Variants in MACROD2 observed in about 807,000 individuals in gnomAD.
MACROD2 encodes mono-ADP ribosylhydrolase 2, also known as ADP-ribose glycohydrolase MACROD2.
Under a neutral mutation model 70.4 loss-of-function variants are expected in MACROD2, and 36 were observed. The ratio of observed to expected loss-of-function variants is 0.51; its 90% confidence interval spans 0.39 to 0.68. MACROD2 has a LOEUF of 0.68. MACROD2 is among the 30% of genes least tolerant of loss of function. MACROD2 has a pLI of 0.00. For synonymous variants in MACROD2, 172 were observed against 178.8 expected, an observed-to-expected ratio of 0.96 and a Z score of 0.30; for missense variants, 496 against 538.4, an observed-to-expected ratio of 0.92 and a Z score of 0.78.
At chr20:14,140,478 A>G (rs986235379) in intron 3 of MACROD2, among the ~76,000 whole-genome samples, 2 of 152,328 alleles carry the variant, frequency 1.3e-5, no homozygotes, top group South Asian at 2.1e-4. Context: ...GGCCTGATTC[A>G]TACAACTAGA....
intron 3 of MACROD2, among the ~76,000 whole-genome samples, chr20:14,195,803 G>T (rs995609139): frequency 6.6e-6 from 1 of 152,132 alleles, no homozygotes; most frequent in Admixed American, 6.5e-5. Context: ...CTCCTTTCTG[G>T]CTCCCCCATC....
intron 5 of MACROD2, among the ~76,000 whole-genome samples, chr20:14,930,034 A>T (rs1333513824): frequency 6.6e-6 from 1 of 151,796 alleles, no homozygotes; most frequent in African/African-American, 2.4e-5. Context: ...TGGTGGCGGG[A>T]GCCTGTAGTC....
At chr20:14,203,463 T>C (rs1382794800) in intron 3 of MACROD2, among the ~76,000 whole-genome samples, 1 of 152,190 alleles carries the variant, frequency 6.6e-6, no homozygotes, top group Non-Finnish European at 1.5e-5. Flanking sequence ...CTTTTTTGTG[T>C]TTCTTGTGTC....
At chr20:14,597,626 T>A (rs1380343516) in intron 4 of MACROD2, among the ~76,000 whole-genome samples, 1 of 152,164 alleles carries the variant, frequency 6.6e-6, no homozygotes, top group Non-Finnish European at 1.5e-5. Flanking sequence ...GAAATCTGGT[T>A]CATTATTCAC....
At chr20:14,097,488 T>C (rs113211812) in intron 3 of MACROD2, among the ~76,000 whole-genome samples, 190 of 152,338 alleles carry the variant, frequency 1.2e-3, no homozygotes, top group Non-Finnish European at 2.4e-3. Context: ...TTGATTTATT[T>C]ATTTTAGCTC....
At chr20:15,011,451 C>T (rs1247318268) in intron 5 of MACROD2, among the ~76,000 whole-genome samples, 1 of 152,026 alleles carries the variant, frequency 6.6e-6, no homozygotes, top group African/African-American at 2.4e-5. Context: ...AAACCCTGTC[C>T]TTATTATCCA....
chr20:14,376,301 G>T (rs557016100), intron 3 of MACROD2, among the ~76,000 whole-genome samples: 2 of 151,378 alleles, frequency 1.3e-5, no homozygotes, highest in African/African-American at 2.4e-5. Flanking sequence ...TGCTAGTGTC[G>T]TGACCAGAAT....
intron 5 of MACROD2, among the ~76,000 whole-genome samples, chr20:15,058,146 T>A (rs1318455496): frequency 1.3e-5 from 2 of 152,188 alleles, no homozygotes; most frequent in Non-Finnish European, 2.9e-5. Context: ...TTTCTTTTTA[T>A]ACCAACCATG....
chr20:14,223,979 G>C (rs1376786396), intron 3 of MACROD2, among the ~76,000 whole-genome samples: 1 of 152,154 alleles, frequency 6.6e-6, no homozygotes, highest in African/African-American at 2.4e-5. Context: ...GTTTTAGTCC[G>C]AAGGTGATCC....
At chr20:15,118,196 ATT>A (rs35217480) in intron 5 of MACROD2, among the ~76,000 whole-genome samples, 2 of 146,048 alleles carry the variant, frequency 1.4e-5, no homozygotes, top group Non-Finnish European at 3.0e-5. Flanking sequence ...TTAATTTTAA[ATT>A]TTTTTTTTTT....
chr20:15,089,818 G>A (rs1285136357), intron 5 of MACROD2, among the ~76,000 whole-genome samples: 11 of 152,076 alleles, frequency 7.2e-5, no homozygotes, highest in Non-Finnish European at 1.5e-5. Context: ...CTAGGACCCA[G>A]AGAAGGAAGC....
At chr20:15,353,555 A>G (rs897211494) in intron 6 of MACROD2, among the ~76,000 whole-genome samples, 5 of 152,222 alleles carry the variant, frequency 3.3e-5, no homozygotes, top group African/African-American at 9.6e-5. Flanking sequence ...CTAGCATCAC[A>G]GTGAACAGGC....
At chr20:14,470,275 T>C (rs1432772378) in intron 3 of MACROD2, among the ~76,000 whole-genome samples, 2 of 152,078 alleles carry the variant, frequency 1.3e-5, no homozygotes, top group East Asian at 1.9e-4. Context: ...ACAGCAAAGA[T>C]TGCTGTCTTT....
chr20:16,015,344 A>G (rs2066915513), intron 15 of MACROD2, among the ~76,000 whole-genome samples: 1 of 152,164 alleles, frequency 6.6e-6, no homozygotes, highest in South Asian at 2.1e-4. Flanking sequence ...TCTGTAGAAA[A>G]TAAAACAGCA....
intron 8 of MACROD2, among the ~76,000 whole-genome samples, chr20:15,650,366 T>G (rs1342699355): frequency 6.6e-6 from 1 of 152,200 alleles, no homozygotes; most frequent in Non-Finnish European, 1.5e-5. Flanking sequence ...TGAAAAAAAA[T>G]TATGCTGCTT....
chr20:15,242,087 A>C (rs1438808042), intron 6 of MACROD2, among the ~76,000 whole-genome samples: 3 of 152,222 alleles, frequency 2.0e-5, no homozygotes, highest in Non-Finnish European at 4.4e-5. Flanking sequence ...CAGTAATGAG[A>C]TATGTCAACA....
In MACROD2 at chr20:15,808,610, G is replaced by T. The variant is rs368585309; in HGVS notation, c.646-54135G>T. 6.6e-5 allele frequency among the ~76,000 whole-genome samples: 10 copies of T among 151,892 alleles called. No homozygotes were observed. In the South Asian group the frequency reaches 2.1e-3, roughly 32 times the overall value. ...TGTGTCTGTTTTTTCCACTAAATTT[G>T]TTTCATTAATAAGCTAGGTTTTTAA... is the stretch of plus-strand genomic sequence containing the variant. On this transcript the variant is annotated intron_variant, in intron 8 of 17. Coordinates refer to ENST00000684519, the MANE Select transcript of MACROD2 (RefSeq NM_001351661.2).
At chr20:15,129,159 CAT>C (rs778023938) in intron 5 of MACROD2, among the ~76,000 whole-genome samples, 16 of 151,810 alleles carry the variant, frequency 1.1e-4, no homozygotes, top group Admixed American at 1.3e-4. Context: ...ATTAATGTAA[CAT>C]AATTTATTTT....
chr20:14,841,531 A>AC (rs2073087070), intron 5 of MACROD2, among the ~76,000 whole-genome samples: 1 of 151,718 alleles, frequency 6.6e-6, no homozygotes, highest in Non-Finnish European at 1.5e-5. Context: ...TTTCAGGAAA[A>AC]AAAAAAGAAT....
Sources: allele counts gnomAD v4.1 joint callset (sites outside exome capture counted in the v4.1 genomes callset), GRCh38; gene constraint gnomAD v4.1.1; transcripts MANE v1.5; gene names NCBI Gene and HGNC (gene_info 2026-07-23, HGNC 2026-07-21).